The following ANO3 variants were observed in gnomAD, a reference collection of about 807,000 sequenced individuals.
ANO3 encodes the protein anoctamin-3.
Under a neutral mutation model 144.8 loss-of-function variants are expected in ANO3, and 99 were observed. The observed-to-expected ratio is 0.68, with a 90% CI of 0.58 to 0.81. ANO3 has a LOEUF of 0.81. Ranked by LOEUF, ANO3 falls within the 30% of genes least tolerant of loss-of-function variation. The pLI is 0.00. For synonymous variants in ANO3, 414 were observed against 392.6 expected, an observed-to-expected ratio of 1.05 and a Z score of -0.64; for missense variants, 905 against 1,202.2, an observed-to-expected ratio of 0.75 and a Z score of 3.66.
intron 1 of ANO3, among the ~76,000 whole-genome samples, chr11:26,259,707 TAGA>T (rs1466899721): frequency 6.6e-6 from 1 of 151,886 alleles, no homozygotes; most frequent in Non-Finnish European, 1.5e-5. Context: ...TAATCACTAG[TAGA>T]AGGATACTAA....
chr11:26,281,721 A>C (rs968145748), intron 1 of ANO3, among the ~76,000 whole-genome samples: 3 of 152,220 alleles, frequency 2.0e-5, no homozygotes, highest in African/African-American at 7.2e-5. Flanking sequence ...GATTAATATA[A>C]AATTCTAAAG....
intron 10 of ANO3, among the ~76,000 whole-genome samples, chr11:26,539,133 TACACACACACACACACAC>T (rs68138224): frequency 1.3e-5 from 2 of 149,198 alleles, no homozygotes; most frequent in African/African-American, 2.5e-5. Context: ...ACAAGAGAAA[TACACACACACACACACAC>T]ACACACACAC....
intron 1 of ANO3, among the ~76,000 whole-genome samples, chr11:26,225,300 C>A (rs1301384178): frequency 1.3e-5 from 2 of 151,700 alleles, no homozygotes. Flanking sequence ...AATAATAATA[C>A]AAGATTATAA....
intron 1 of ANO3, among the ~76,000 whole-genome samples, chr11:26,385,901 AT>A (rs59925176): frequency 6.6e-6 from 1 of 151,154 alleles, no homozygotes; most frequent in Non-Finnish European, 1.5e-5. Flanking sequence ...GTGTATATAT[AT>A]TTATATACAT....
intron 1 of ANO3, among the ~76,000 whole-genome samples, chr11:26,272,575 T>C (rs552565728): frequency 1.3e-5 from 2 of 152,234 alleles, no homozygotes; most frequent in South Asian, 4.1e-4. Flanking sequence ...CCATCTGAAG[T>C]GACAAATTTA....
chr11:26,380,820 A>G (rs936221863), intron 1 of ANO3, among the ~76,000 whole-genome samples: 6 of 152,060 alleles, frequency 3.9e-5, no homozygotes, highest in Non-Finnish European at 8.8e-5. Context: ...CGTCTCTACT[A>G]AAAATACAAA....
chr11:26,389,670 A>T lies in ANO3; in HGVS notation c.47-52248A>T, dbSNP rs1856825990. 2.0e-5 allele frequency among the ~76,000 whole-genome samples: 3 copies of T among 152,088 alleles called. No homozygotes were observed. The South Asian group carries it at 6.2e-4, about 32-fold the overall frequency. On this transcript the variant is annotated intron_variant, in intron 1 of 26. Transcript: ENST00000256737. The stretch of plus-strand genomic sequence containing the variant: ...TCTTACATTATAATCATGAATATGT[A>T]TTAAGTACCACATGTTTGCTAATTT...
intron 1 of ANO3, among the ~76,000 whole-genome samples, chr11:26,266,761 T>C (rs891955788): frequency 6.6e-6 from 1 of 150,550 alleles, no homozygotes; most frequent in African/African-American, 2.4e-5. Flanking sequence ...TAAATGCAGA[T>C]GCAGAGTGGT....
At chr11:26,327,877 C>A (rs1854927454), upstream of ANO3, among the ~76,000 whole-genome samples, 1 of 152,106 alleles carries the variant, frequency 6.6e-6, no homozygotes, top group African/African-American at 2.4e-5. Flanking sequence ...ATCCTATAGG[C>A]AACTTGAAAT....
At chr11:26,401,995 A>T (rs1241621170) in intron 1 of ANO3, among the ~76,000 whole-genome samples, 1 of 152,094 alleles carries the variant, frequency 6.6e-6, no homozygotes, top group African/African-American at 2.4e-5. Context: ...TTATGGTTAC[A>T]TAGTATCCCA....
chr11:26,489,392 G>C (rs1043994809), intron 4 of ANO3, among the ~76,000 whole-genome samples: 1 of 152,226 alleles, frequency 6.6e-6, no homozygotes, highest in African/African-American at 2.4e-5. Context: ...TGTTGCAGGG[G>C]TGCAGCCCTC....
At chr11:26,630,152 G>C (rs767839890) in intron 18 of ANO3, among the ~76,000 whole-genome samples, 1 of 152,066 alleles carries the variant, frequency 6.6e-6, no homozygotes, top group Non-Finnish European at 1.5e-5. Flanking sequence ...CAGAAGAGTG[G>C]ATGAAAAATT....
chr11:26,318,066 C>A (rs1854668610), intron 1 of ANO3, among the ~76,000 whole-genome samples: 2 of 149,752 alleles, frequency 1.3e-5, no homozygotes, highest in Non-Finnish European at 3.0e-5. Context: ...AATGAGAACA[C>A]ATGGACACAG....
intron 14 of ANO3, chr11:26,561,046 C>A: frequency 6.3e-7 from 1 of 1,596,398 alleles, no homozygotes; most frequent in Non-Finnish European, 8.5e-7. Context: ...TGCTGTTTAA[C>A]GCCTTTTTGC....
chr11:26,561,188 C>T (rs1363013294), intron 14 of ANO3: 1 of 1,612,178 alleles, frequency 6.2e-7, no homozygotes. Flanking sequence ...TCCCAAAACT[C>T]ACATCATAAG....
intron 1 of ANO3, among the ~76,000 whole-genome samples, chr11:26,385,132 T>G (rs1856688883): frequency 6.6e-6 from 1 of 152,188 alleles, no homozygotes; most frequent in Non-Finnish European, 1.5e-5. Flanking sequence ...AAAGATCAAT[T>G]AAGATAAGAC....
intron 1 of ANO3, among the ~76,000 whole-genome samples, chr11:26,429,137 A>G (rs1590351120): frequency 6.6e-6 from 1 of 151,962 alleles, no homozygotes; most frequent in African/African-American, 2.4e-5. Context: ...TTCTGGAGGA[A>G]CTCTACTACC....
intron 1 of ANO3, among the ~76,000 whole-genome samples, chr11:26,373,622 TCTTA>T (rs1856323657): frequency 6.6e-6 from 1 of 152,212 alleles, no homozygotes; most frequent in Admixed American, 6.5e-5. Flanking sequence ...TCCTGATACT[TCTTA>T]CTTTTGTGAT....
At chr11:26,324,330 G>A (rs1854833069) in intron 1 of ANO3, among the ~76,000 whole-genome samples, 1 of 152,270 alleles carries the variant, frequency 6.6e-6, no homozygotes, top group Admixed American at 6.5e-5. Flanking sequence ...CCTTGAGACT[G>A]TGCAAGCCGG....
Sources: allele counts gnomAD v4.1 joint callset (sites outside exome capture counted in the v4.1 genomes callset), GRCh38; gene constraint gnomAD v4.1.1; transcripts MANE v1.5; gene names NCBI Gene and HGNC (gene_info 2026-07-23, HGNC 2026-07-21).